Variants in PLPPR5 observed in about 807,000 individuals in gnomAD.
The protein encoded by PLPPR5 is phospholipid phosphatase related 5, also known as phospholipid phosphatase-related protein type 5.
PLPPR5 carries 16 observed loss-of-function variants against 33.9 expected under a neutral mutation model. The ratio of observed to expected loss-of-function variants is 0.47; its 90% CI spans 0.32 to 0.72. PLPPR5 has a LOEUF of 0.72. Ranked by LOEUF, PLPPR5 falls within the 30% of genes least tolerant of loss-of-function variation. PLPPR5 has a pLI of 0.03. For synonymous variants in PLPPR5, 163 were observed against 150.3 expected (o/e 1.08, Z -0.62); for missense variants, 301 against 406.7 (o/e 0.74, Z 2.23).
chr1:98,896,673 G>A lies in PLPPR5; in HGVS notation c.934-3569C>T, dbSNP rs149224322. Among the ~76,000 whole-genome samples, 790 of 152,048 alleles carry A rather than the reference G, an allele frequency of 5.2e-3. 7 individuals are homozygous for A. The highest frequency in any genetic ancestry group is 8.7e-3 in the Non-Finnish European group (591 of 67,942). ...ACTGAGTCTGGTCCTTGAGTGCAGG[G>A]GTCACAAGAGAAAGCAAACACGTTT... On this transcript the variant is annotated intron_variant, in intron 5 of 5. Coordinates refer to ENST00000263177, the MANE Select transcript of PLPPR5 (RefSeq NM_001037317.2).
At chr1:98,900,636 C>T (rs1648663122) in intron 5 of PLPPR5, among the ~76,000 whole-genome samples, 1 of 152,100 alleles carries the variant, frequency 6.6e-6, no homozygotes, top group African/African-American at 2.4e-5. Flanking sequence ...ATAAAATTGG[C>T]TTCTTCTTAG....
intron 1 of PLPPR5, among the ~76,000 whole-genome samples, chr1:98,962,681 G>T (rs1258453497): frequency 6.6e-6 from 1 of 152,072 alleles, no homozygotes; most frequent in African/African-American, 2.4e-5. Context: ...GTCTCCCTCT[G>T]TCACCCAGGC....
At chr1:98,904,206 C>A (rs1648807917) in intron 5 of PLPPR5, among the ~76,000 whole-genome samples, 3 of 151,478 alleles carry the variant, frequency 2.0e-5, no homozygotes. Context: ...GGTGAAAAGC[C>A]CCTTATCCTA....
chr1:98,928,911 T>C (rs1048565914), intron 3 of PLPPR5, among the ~76,000 whole-genome samples: 7 of 152,014 alleles, frequency 4.6e-5, no homozygotes, highest in Non-Finnish European at 1.0e-4. Flanking sequence ...GTTAAACTAA[T>C]ATATATATAG....
At chr1:98,896,122 A>T (rs1648462218) in intron 5 of PLPPR5, among the ~76,000 whole-genome samples, 1 of 152,000 alleles carries the variant, frequency 6.6e-6, no homozygotes, top group Non-Finnish European at 1.5e-5. Context: ...TTTTATAAGA[A>T]TCTATCATAT....
At chr1:98,968,842 T>C (rs1270951158) in intron 1 of PLPPR5, among the ~76,000 whole-genome samples, 2 of 152,060 alleles carry the variant, frequency 1.3e-5, no homozygotes, top group African/African-American at 2.4e-5. Flanking sequence ...TTATATGACT[T>C]GTGTAAGGTC....
intron 3 of PLPPR5, among the ~76,000 whole-genome samples, chr1:98,944,142 T>C (rs1650472278): frequency 6.6e-6 from 1 of 152,060 alleles, no homozygotes; most frequent in South Asian, 2.1e-4. Context: ...GGGAGATAAA[T>C]CCTACAATAC....
chr1:98,922,754 G>A (rs1403798639), intron 3 of PLPPR5, among the ~76,000 whole-genome samples: 3 of 152,168 alleles, frequency 2.0e-5, no homozygotes, highest in African/African-American at 7.2e-5. Flanking sequence ...GGGAGGCCGA[G>A]GCGGGCAGAT....
At chr1:98,949,076 C>G (rs527396370) in intron 3 of PLPPR5, among the ~76,000 whole-genome samples, 5 of 152,024 alleles carry the variant, frequency 3.3e-5, no homozygotes, top group African/African-American at 9.7e-5. Context: ...TCATTCTCAA[C>G]CTTGAAGTTC....
chr1:98,931,823 G>A (rs1649989670), intron 3 of PLPPR5, among the ~76,000 whole-genome samples: 1 of 152,120 alleles, frequency 6.6e-6, no homozygotes, highest in Non-Finnish European at 1.5e-5. Flanking sequence ...GCCATAAAGG[G>A]GATATGAGAA....
chr1:98,941,769 G>C (rs556321755), intron 3 of PLPPR5, among the ~76,000 whole-genome samples: 10 of 151,450 alleles, frequency 6.6e-5, no homozygotes, highest in Non-Finnish European at 1.5e-4. Context: ...TATTATTATA[G>C]AGAGATTTCT....
intron 1 of PLPPR5, among the ~76,000 whole-genome samples, chr1:98,971,498 AT>A (rs959069242): frequency 2.0e-5 from 3 of 151,358 alleles, no homozygotes; most frequent in South Asian, 4.2e-4. Flanking sequence ...TAGCATTTCC[AT>A]TTTTTTTGAA....
intron 3 of PLPPR5, among the ~76,000 whole-genome samples, chr1:98,931,668 T>C (rs753026754): frequency 4.0e-5 from 6 of 151,850 alleles, no homozygotes; most frequent in Non-Finnish European, 8.8e-5. Flanking sequence ...AATGACTCAG[T>C]GTGTCAGTCT....
chr1:98,934,872 T>C (rs1181453047), intron 3 of PLPPR5, among the ~76,000 whole-genome samples: 2 of 152,068 alleles, frequency 1.3e-5, no homozygotes, highest in Admixed American at 6.5e-5. Flanking sequence ...AGAGTGAGGA[T>C]CATTTTTGAG....
intron 3 of PLPPR5, among the ~76,000 whole-genome samples, chr1:98,927,671 T>C (rs1649817156): frequency 6.6e-6 from 1 of 152,202 alleles, no homozygotes; most frequent in African/African-American, 2.4e-5. Context: ...TTCTACTTTC[T>C]GTTATCTCCA....
At chr1:98,979,947 C>T (rs1477480891) in intron 1 of PLPPR5, among the ~76,000 whole-genome samples, 2 of 152,040 alleles carry the variant, frequency 1.3e-5, no homozygotes, top group Non-Finnish European at 1.5e-5. Context: ...TCTCTCATGT[C>T]TAAGTGACCC....
chr1:98,933,220 T>C (rs1190897552), intron 3 of PLPPR5, among the ~76,000 whole-genome samples: 2 of 151,018 alleles, frequency 1.3e-5, no homozygotes, highest in African/African-American at 2.4e-5. Context: ...TTTCAGTGGC[T>C]CATGCCTGTA....
At chr1:98,938,789 G>T (rs1382742181) in intron 3 of PLPPR5, among the ~76,000 whole-genome samples, 1 of 152,076 alleles carries the variant, frequency 6.6e-6, no homozygotes, top group East Asian at 1.9e-4. Flanking sequence ...GGAATACTAT[G>T]CAGCTGTAAA....
chr1:98,999,137 T>C (rs2100767354), intron 1 of PLPPR5, among the ~76,000 whole-genome samples: 1 of 152,356 alleles, frequency 6.6e-6, no homozygotes, highest in Admixed American at 6.5e-5. Flanking sequence ...ACATTTAATT[T>C]CTTACCAGCC....
Sources: allele counts gnomAD v4.1 joint callset (sites outside exome capture counted in the v4.1 genomes callset), GRCh38; gene constraint gnomAD v4.1.1; transcripts MANE v1.5; gene names NCBI Gene and HGNC (gene_info 2026-07-23, HGNC 2026-07-21).